Variants in NDST4 observed in about 807,000 individuals in gnomAD.
The protein encoded by NDST4 is N-deacetylase and N-sulfotransferase 4.
A neutral mutation model predicts 100.8 loss-of-function variants in NDST4; 63 were observed. The observed-to-expected ratio is 0.62, with a 90% CI of 0.51 to 0.77. The LOEUF is 0.77. Among genes scored for constraint, NDST4 ranks in the 30% least tolerant of loss-of-function variants. The pLI, the probability that NDST4 is intolerant of heterozygous loss-of-function variation, is 0.00. For missense variants in NDST4, 943 were observed against 1,018.4 expected (o/e 0.93, Z 1.01); for synonymous variants, 377 against 361.8 (o/e 1.04, Z -0.48).
chr4:114,916,791 T>C (rs1003476187), intron 6 of NDST4, among the ~76,000 whole-genome samples: 1 of 151,588 alleles, frequency 6.6e-6, no homozygotes, highest in African/African-American at 2.4e-5. Context: ...CACCTCAGCC[T>C]TTCCAAGTGC....
intron 1 of NDST4, among the ~76,000 whole-genome samples, chr4:115,087,429 C>G (rs1578512115): frequency 6.6e-6 from 1 of 151,818 alleles, no homozygotes; most frequent in Admixed American, 6.6e-5. Flanking sequence ...CCAGCAAAAA[C>G]ATCTAAATTA....
intron 1 of NDST4, among the ~76,000 whole-genome samples, chr4:115,097,937 T>C (rs751113650): frequency 2.0e-5 from 3 of 152,212 alleles, no homozygotes; most frequent in Admixed American, 6.5e-5. Flanking sequence ...GATATAAACA[T>C]GGCAGATGTC....
At chr4:114,878,193 T>C (rs1724297251) in intron 6 of NDST4, among the ~76,000 whole-genome samples, 1 of 152,146 alleles carries the variant, frequency 6.6e-6, no homozygotes, top group African/African-American at 2.4e-5. Context: ...CTTCAGTTAT[T>C]GATCTTTCCA....
At chr4:115,110,750 TA>T (rs1729937739) in intron 1 of NDST4, among the ~76,000 whole-genome samples, 1 of 151,992 alleles carries the variant, frequency 6.6e-6, no homozygotes, top group Non-Finnish European at 1.5e-5. Context: ...GAGCAACTTT[TA>T]ATAAAGAAGA....
intron 3 of NDST4, among the ~76,000 whole-genome samples, chr4:114,975,187 A>G: frequency 6.6e-6 from 1 of 152,148 alleles, no homozygotes; most frequent in Non-Finnish European, 1.5e-5. Flanking sequence ...GAGTGCATTA[A>G]TAAGTATTCA....
intron 1 of NDST4, among the ~76,000 whole-genome samples, chr4:115,106,568 G>GTGAA (rs1437980983): frequency 6.6e-6 from 1 of 152,078 alleles, no homozygotes; most frequent in Non-Finnish European, 1.5e-5. Context: ...CTAATACGAT[G>GTGAA]TGAATGATAT....
At chr4:115,075,170 T>C (rs980863122) in intron 2 of NDST4, among the ~76,000 whole-genome samples, 2 of 152,198 alleles carry the variant, frequency 1.3e-5, no homozygotes, top group African/African-American at 4.8e-5. Context: ...ATAGGTATAA[T>C]AATGAAAGCT....
chr4:114,974,411 T>C (rs1234884682), intron 3 of NDST4, among the ~76,000 whole-genome samples: 1 of 152,140 alleles, frequency 6.6e-6, no homozygotes, highest in African/African-American at 2.4e-5. Context: ...CCAATGTTAA[T>C]TGTTAATTCA....
intron 3 of NDST4, among the ~76,000 whole-genome samples, chr4:114,974,020 T>C (rs1726575111): frequency 6.6e-6 from 1 of 151,932 alleles, no homozygotes; most frequent in African/African-American, 2.4e-5. Context: ...CTATTTACTT[T>C]TTGATAATAT....
chr4:114,886,759 T>C (rs1181301950), intron 6 of NDST4, among the ~76,000 whole-genome samples: 1 of 152,124 alleles, frequency 6.6e-6, no homozygotes, highest in Non-Finnish European at 1.5e-5. Flanking sequence ...GAAGAAGTGA[T>C]GGAGAGAAAA....
At chr4:115,026,371 T>C (rs1430099356) in intron 2 of NDST4, among the ~76,000 whole-genome samples, 1 of 151,846 alleles carries the variant, frequency 6.6e-6, no homozygotes, top group African/African-American at 2.4e-5. Context: ...CCAAGATACA[T>C]ACCTACATTC....
intron 1 of NDST4, among the ~76,000 whole-genome samples, chr4:115,078,683 A>C (rs564453310): frequency 3.3e-5 from 5 of 152,014 alleles, no homozygotes; most frequent in South Asian, 2.1e-4. Flanking sequence ...TACTAAAAAT[A>C]CAAAAAAAAT....
chr4:115,105,384 T>G (rs569899550), intron 1 of NDST4, among the ~76,000 whole-genome samples: 1 of 152,266 alleles, frequency 6.6e-6, no homozygotes, highest in East Asian at 1.9e-4. Flanking sequence ...ATGTATTATT[T>G]TATTTTCTTT....
chr4:114,916,834 G>T (rs553928733), intron 6 of NDST4, among the ~76,000 whole-genome samples: 1 of 151,358 alleles, frequency 6.6e-6, no homozygotes, highest in Non-Finnish European at 1.5e-5. Flanking sequence ...CAAATCTTAC[G>T]TAAATTTTCT....
intron 2 of NDST4, among the ~76,000 whole-genome samples, chr4:115,056,783 T>C (rs1055588363): frequency 6.6e-6 from 1 of 152,168 alleles, no homozygotes; most frequent in Non-Finnish European, 1.5e-5. Context: ...CACATTAATA[T>C]GGTTTCCTTA....
intron 2 of NDST4, among the ~76,000 whole-genome samples, chr4:115,011,490 T>C (rs1478630830): frequency 1.3e-5 from 2 of 151,882 alleles, no homozygotes; most frequent in East Asian, 3.9e-4. Flanking sequence ...CAATCTCCAG[T>C]ACTCACTTCC....
rs1281643958 is a variant in NDST4 at position 115,022,289 on chromosome 4, CAT to C, written c.979-45017_979-45016del. Among the ~76,000 whole-genome samples the C allele has an allele frequency of 1.5e-4, 23 of 151,790 alleles. 1 individual carries two copies. Among genetic ancestry groups the C allele is most frequent in the South Asian group, 4.2e-4 (2 of 4,812 alleles). On this transcript the variant is annotated intron_variant, in intron 2 of 13. Transcript: ENST00000264363. ...AAGTTCCACGTCTATGCACGTTCCACATATATATATGTTCCACGTACATATGT... is the reference window on the plus strand; with the variant it reads ...AAGTTCCACGTCTATGCACGTTCCACATATATATGTTCCACGTACATATGT...
At chr4:114,908,894 G>A (rs1415354212) in intron 6 of NDST4, among the ~76,000 whole-genome samples, 2 of 151,914 alleles carry the variant, frequency 1.3e-5, no homozygotes, top group Non-Finnish European at 2.9e-5. Flanking sequence ...CCGTAAATTG[G>A]AATATATATA....
intron 2 of NDST4, among the ~76,000 whole-genome samples, chr4:114,984,362 A>G (rs1440694375): frequency 6.6e-6 from 1 of 151,968 alleles, no homozygotes; most frequent in African/African-American, 2.4e-5. Context: ...TATTTTTAGT[A>G]GAGATGGGCT....
Sources: allele counts gnomAD v4.1 joint callset (sites outside exome capture counted in the v4.1 genomes callset), GRCh38; gene constraint gnomAD v4.1.1; transcripts MANE v1.5; gene names NCBI Gene and HGNC (gene_info 2026-07-23, HGNC 2026-07-21).